DLGAP1: variants seen among roughly 807,000 people sequenced by gnomAD.
DLGAP1 encodes disks large-associated protein 1.
Under a neutral mutation model 90.8 loss-of-function variants are expected in DLGAP1, and 11 were observed. The observed-to-expected ratio is 0.12, with a 90% CI of 0.08 to 0.20. DLGAP1 has a LOEUF of 0.20. DLGAP1 is among the 10% of genes least tolerant of loss of function. DLGAP1 has a pLI of 1.00. For missense variants in DLGAP1, 1,050 were observed against 1,333.8 expected, an observed-to-expected ratio of 0.79 and a Z score of 3.31; for synonymous variants, 558 against 540.7, an observed-to-expected ratio of 1.03 and a Z score of -0.44.
intron 2 of DLGAP1, among the ~76,000 whole-genome samples, chr18:4,125,632 CAAACAAACAA>C (rs553306873): frequency 1.5e-3 from 216 of 146,374 alleles, no homozygotes; most frequent in African/African-American, 5.4e-3. Context: ...GCACTTAAAA[CAAACAAACAA>C]AAACAAACAA....
At chr18:4,376,025 G>T (rs1156369741) in intron 1 of DLGAP1, among the ~76,000 whole-genome samples, 1 of 152,020 alleles carries the variant, frequency 6.6e-6, no homozygotes, top group Non-Finnish European at 1.5e-5. Flanking sequence ...AATATAAAAG[G>T]TAATTCTATA....
intron 4 of DLGAP1, among the ~76,000 whole-genome samples, chr18:3,864,888 A>G (rs2070293993): frequency 6.6e-6 from 1 of 152,138 alleles, no homozygotes; most frequent in African/African-American, 2.4e-5. Context: ...CTAAGGGTAG[A>G]TCTTTAGAGA....
intron 3 of DLGAP1, chr18:3,995,736 C>T (rs532851102): frequency 3.4e-5 from 5 of 147,990 alleles, no homozygotes; most frequent in African/African-American, 1.3e-4. Context: ...AAAAAAAAAA[C>T]CACCAAGATT....
At chr18:3,523,580 GC>G (rs1568126636) in intron 10 of DLGAP1, among the ~76,000 whole-genome samples, 1 of 152,060 alleles carries the variant, frequency 6.6e-6, no homozygotes, top group Non-Finnish European at 1.5e-5. Context: ...AGGTGCGGTG[GC>G]TCACGCCTGT....
At chr18:3,515,703 T>C (rs1470745419) in intron 10 of DLGAP1, among the ~76,000 whole-genome samples, 1 of 139,270 alleles carries the variant, frequency 7.2e-6, no homozygotes, top group East Asian at 2.1e-4. Flanking sequence ...CACCTGAGCC[T>C]GGGAAGTTGA....
At position 3,943,478 on chromosome 18, in the gene DLGAP1, A is replaced by G. The variant is rs1268394813; in HGVS notation, c.-73+61638T>C. 7.9e-5 allele frequency among the ~76,000 whole-genome samples: 10 copies of G among 126,484 alleles called. No homozygotes were observed. In the East Asian group the frequency reaches 1.5e-3, roughly 20 times the overall value. 83.0% of individuals were successfully genotyped at this position (126,484 alleles called of 152,430 possible). A position where few individuals can be genotyped will look rare whatever the true frequency, so the allele number is the denominator to read the frequency against. ...TTTTTTTTTTTTTTTTTCTGGCATG[A>G]GGAAAAGAACATCACTGCTAGGAAA... is the stretch of plus-strand genomic sequence containing the variant. On this transcript the variant is annotated intron_variant, in intron 3 of 12. Coordinates refer to ENST00000315677, the MANE Select transcript of DLGAP1 (RefSeq NM_004746.4).
intron 2 of DLGAP1, among the ~76,000 whole-genome samples, chr18:4,128,602 T>C (rs1010805608): frequency 2.6e-5 from 4 of 152,136 alleles, no homozygotes; most frequent in Non-Finnish European, 5.9e-5. Context: ...GCATGAACCA[T>C]GGAAACATCT....
intron 4 of DLGAP1, among the ~76,000 whole-genome samples, chr18:3,861,113 C>T (rs901605605): frequency 9.9e-5 from 15 of 152,108 alleles, no homozygotes; most frequent in South Asian, 2.1e-4. Flanking sequence ...TCAACTTCGA[C>T]GCTTATATAG....
chr18:4,326,768 G>C (rs1255806222), intron 1 of DLGAP1, among the ~76,000 whole-genome samples: 1 of 152,032 alleles, frequency 6.6e-6, no homozygotes, highest in Non-Finnish European at 1.5e-5. Context: ...AACAAATACT[G>C]CATGTTCTCA....
intron 1 of DLGAP1, among the ~76,000 whole-genome samples, chr18:4,238,733 G>A (rs546871877): frequency 3.9e-5 from 6 of 152,134 alleles, no homozygotes; most frequent in Admixed American, 6.5e-5. Flanking sequence ...GTTACTGAAA[G>A]CAAATGAGCT....
At chr18:3,582,320 C>G in intron 7 of DLGAP1, 72 bp from the exon 8 acceptor site, 1 of 1,545,232 alleles carries the variant, frequency 6.5e-7, no homozygotes, top group African/African-American at 1.4e-5. Context: ...TAACTGACAG[C>G]CATTGGGAAT....
At chr18:4,243,287 C>G (rs74455497) in intron 1 of DLGAP1, among the ~76,000 whole-genome samples, 1 of 59,444 alleles carries the variant, frequency 1.7e-5, no homozygotes, top group Non-Finnish European at 5.6e-5. Flanking sequence ...TGGAATATAA[C>G]AAGTACTCCT....
intron 1 of DLGAP1, among the ~76,000 whole-genome samples, chr18:4,185,317 C>T (rs528511388): frequency 5.3e-5 from 8 of 151,292 alleles, no homozygotes; most frequent in South Asian, 2.1e-4. Flanking sequence ...AGGTTTCTTA[C>T]GTAGGTAAAC....
intron 3 of DLGAP1, among the ~76,000 whole-genome samples, chr18:3,891,398 C>T (rs142114068): frequency 2.5e-3 from 383 of 152,220 alleles, no homozygotes; most frequent in African/African-American, 5.6e-3. Context: ...TGCTGAGTGT[C>T]GCTGGGGATG....
intron 1 of DLGAP1, among the ~76,000 whole-genome samples, chr18:4,218,998 T>C (rs913843598): frequency 6.6e-6 from 1 of 150,536 alleles, no homozygotes; most frequent in Admixed American, 6.7e-5. Context: ...CCAAGTGGAA[T>C]TGCTGGGTCT....
At chr18:3,888,762 G>A (rs1401880725) in intron 3 of DLGAP1, among the ~76,000 whole-genome samples, 4 of 152,192 alleles carry the variant, frequency 2.6e-5, no homozygotes, top group African/African-American at 4.8e-5. Context: ...AATGTCATAG[G>A]ATTTAGGAGT....
At chr18:3,966,645 G>A (rs539689695) in intron 3 of DLGAP1, among the ~76,000 whole-genome samples, 15 of 152,204 alleles carry the variant, frequency 9.9e-5, no homozygotes, top group Non-Finnish European at 1.9e-4. Flanking sequence ...TTTGGCTTAA[G>A]CAACTGATAT....
intron 4 of DLGAP1, among the ~76,000 whole-genome samples, chr18:3,867,769 A>G (rs1599056552): frequency 6.6e-6 from 1 of 152,046 alleles, no homozygotes; most frequent in African/African-American, 2.4e-5. Context: ...CTAATAAATA[A>G]AACTTGTTTT....
intron 2 of DLGAP1, among the ~76,000 whole-genome samples, chr18:4,035,981 G>GTGTCT (rs1250844182): frequency 4.7e-4 from 71 of 152,240 alleles, no homozygotes; most frequent in African/African-American, 1.7e-3. Flanking sequence ...AAGTGTCCAA[G>GTGTCT]AGGACACTTA....
Sources: allele counts gnomAD v4.1 joint callset (sites outside exome capture counted in the v4.1 genomes callset), GRCh38; gene constraint gnomAD v4.1.1; transcripts MANE v1.5; gene names NCBI Gene and HGNC (gene_info 2026-07-23, HGNC 2026-07-21).